EPB41L4B: variants seen among roughly 807,000 people sequenced by gnomAD.
The protein encoded by EPB41L4B is band 4.1-like protein 4B.
A neutral mutation model predicts 112.5 loss-of-function variants in EPB41L4B; 30 were observed. The observed-to-expected ratio is 0.27, with a 90% CI of 0.20 to 0.36. The LOEUF is 0.36. Among genes scored for constraint, EPB41L4B ranks in the 10% least tolerant of loss-of-function variants. The pLI is 1.00. For synonymous variants in EPB41L4B, 408 were observed against 439.7 expected, an observed-to-expected ratio of 0.93 and a Z score of 0.90; for missense variants, 1,024 against 1,133.3, an observed-to-expected ratio of 0.90 and a Z score of 1.38.
chr9:109,197,819 C>CAAAA (rs11410452), intron 20 of EPB41L4B, among the ~76,000 whole-genome samples: 6 of 132,036 alleles, frequency 4.5e-5, no homozygotes, highest in African/African-American at 5.7e-5. Context: ...GACTCTGTAT[C>CAAAA]AAAAAAAAAA....
At chr9:109,183,749 A>C (rs1037035689) in intron 23 of EPB41L4B, among the ~76,000 whole-genome samples, 4 of 152,318 alleles carry the variant, frequency 2.6e-5, no homozygotes, top group African/African-American at 9.6e-5. Context: ...CAAGACACCA[A>C]GGCCACCACT....
intron 5 of EPB41L4B, 70 bp downstream of exon 5, chr9:109,264,910 A>G: frequency 2.1e-6 from 3 of 1,403,974 alleles, no homozygotes; most frequent in Non-Finnish European, 2.9e-6. Context: ...AAAAGAGTTA[A>G]AACAGTGAAT....
intron 3 of EPB41L4B, among the ~76,000 whole-genome samples, chr9:109,267,899 T>C (rs1371248218): frequency 1.3e-5 from 2 of 152,222 alleles, no homozygotes; most frequent in Non-Finnish European, 2.9e-5. Flanking sequence ...AGGAAAGTGA[T>C]GCAAAGTGTT....
At chr9:109,305,802 T>C (rs371430224) in intron 1 of EPB41L4B, among the ~76,000 whole-genome samples, 1 of 152,032 alleles carries the variant, frequency 6.6e-6, no homozygotes, top group Non-Finnish European at 1.5e-5. Flanking sequence ...CCAGTGCCTA[T>C]AATTCCAGCT....
At chr9:109,275,897 G>GA (rs1326599801) in intron 2 of EPB41L4B, among the ~76,000 whole-genome samples, 1 of 151,998 alleles carries the variant, frequency 6.6e-6, no homozygotes, top group East Asian at 1.9e-4. Flanking sequence ...GAAAGATCTA[G>GA]AAAGATTTGA....
chr9:109,181,844 C>T (rs1015167322), intron 24 of EPB41L4B, among the ~76,000 whole-genome samples: 12 of 152,202 alleles, frequency 7.9e-5, no homozygotes, highest in African/African-American at 2.9e-4. Flanking sequence ...GAAAACAATC[C>T]CAAAACCCCC....
At chr9:109,269,269 T>C (rs1835523699) in intron 2 of EPB41L4B, among the ~76,000 whole-genome samples, 1 of 152,206 alleles carries the variant, frequency 6.6e-6, no homozygotes, top group Non-Finnish European at 1.5e-5. Context: ...CAGGCAGGGA[T>C]TTGCCTAAGA....
chr9:109,229,619 G>A (rs1022194990), intron 15 of EPB41L4B, among the ~76,000 whole-genome samples: 104 of 152,322 alleles, frequency 6.8e-4, no homozygotes, highest in African/African-American at 2.4e-3. Context: ...ACCTTCTGGA[G>A]GAGCTGGTTG....
chr9:109,277,488 C>T (rs575868800), intron 2 of EPB41L4B, among the ~76,000 whole-genome samples: 2 of 152,216 alleles, frequency 1.3e-5, no homozygotes, highest in South Asian at 4.1e-4. Context: ...ATGGACCTGT[C>T]GGGTGGCCAA....
At chr9:109,216,584 T>C (rs1171380065) in intron 16 of EPB41L4B, among the ~76,000 whole-genome samples, 2 of 145,202 alleles carry the variant, frequency 1.4e-5, no homozygotes, top group Non-Finnish European at 3.0e-5. Context: ...GAGGGTGCAA[T>C]GAGCCGAGAT....
intron 24 of EPB41L4B, among the ~76,000 whole-genome samples, chr9:109,182,525 T>C (rs746991531): frequency 6.6e-6 from 1 of 152,192 alleles, no homozygotes; most frequent in East Asian, 1.9e-4. Context: ...TGTCACTGAA[T>C]TGTCACTTTA....
chr9:109,208,913 A>C (rs1335709097), intron 17 of EPB41L4B, among the ~76,000 whole-genome samples: 1 of 152,210 alleles, frequency 6.6e-6, no homozygotes, highest in Non-Finnish European at 1.5e-5. Flanking sequence ...TAGATGTCCA[A>C]TAAATACCTA....
In EPB41L4B at chr9:109,253,421, A is replaced by G. The variant is rs1834867370; in HGVS notation, c.1279+20T>C. On this transcript the variant is annotated intron_variant, in intron 12 of 25. Coordinates refer to ENST00000374566, the MANE Select transcript of EPB41L4B (RefSeq NM_019114.5). ...TCAAGCATAATGTAAAATTCCAAGA[A>G]AGAATGAAAAACACACAACCTTTGA... 6.4e-7 allele frequency: 1 copy of G among 1,557,152 alleles called. No individual in the cohort carries two copies. The highest frequency in any genetic ancestry group is 1.7e-5 in the Admixed American group (1 of 58,818).
chr9:109,243,685 A>G lies in EPB41L4B; in HGVS notation c.1345-3T>C. On this transcript the variant is annotated splice_polypyrimidine_tract_variant and splice_region_variant and intron_variant, in intron 14 of 25. Coordinates refer to ENST00000374566, the MANE Select transcript of EPB41L4B (RefSeq NM_019114.5). ...TGGATATTAGGATGATATTGAGGCT[A>G]GAAATAAAACACCAAACTTGATTAT... 2 of 1,614,088 alleles carry G rather than the reference A, an allele frequency of 1.2e-6. No homozygotes were observed. Among genetic ancestry groups the G allele is most frequent in the Non-Finnish European group, 1.7e-6 (2 of 1,179,922 alleles).
intron 1 of EPB41L4B, among the ~76,000 whole-genome samples, chr9:109,309,774 A>ATT (rs1837347168): frequency 1.3e-5 from 2 of 151,848 alleles, no homozygotes; most frequent in South Asian, 4.2e-4. Flanking sequence ...AGAGAGAGAG[A>ATT]GAGAGAGAGA....
At chr9:109,296,207 T>C (rs748149521) in intron 1 of EPB41L4B, among the ~76,000 whole-genome samples, 1 of 152,232 alleles carries the variant, frequency 6.6e-6, no homozygotes, top group Non-Finnish European at 1.5e-5. Context: ...AACTTAGGAA[T>C]GTGAGAACAT....
chr9:109,281,506 C>A (rs984410171), intron 1 of EPB41L4B, among the ~76,000 whole-genome samples: 1 of 152,062 alleles, frequency 6.6e-6, no homozygotes, highest in African/African-American at 2.4e-5. Flanking sequence ...AGTTCAAGAC[C>A]AGCCTGGCCA....
intron 22 of EPB41L4B, among the ~76,000 whole-genome samples, chr9:109,192,068 G>A (rs1484893546): frequency 4.6e-5 from 7 of 152,128 alleles, no homozygotes; most frequent in African/African-American, 1.4e-4. Flanking sequence ...AACTACCCTC[G>A]GAGCAAAGGA....
At chr9:109,217,392 ATATT>A (rs1196362075) in intron 15 of EPB41L4B, among the ~76,000 whole-genome samples, 1 of 152,228 alleles carries the variant, frequency 6.6e-6, no homozygotes, top group African/African-American at 2.4e-5. Flanking sequence ...AAATGAAATA[ATATT>A]TATTTCTTTT....
Sources: allele counts gnomAD v4.1 joint callset (sites outside exome capture counted in the v4.1 genomes callset), GRCh38; gene constraint gnomAD v4.1.1; transcripts MANE v1.5; gene names NCBI Gene and HGNC (gene_info 2026-07-23, HGNC 2026-07-21).